NPHP4: variants seen among roughly 807,000 people sequenced by gnomAD.
NPHP4 encodes the protein nephrocystin 4.
In NPHP4, 151 loss-of-function variants were observed where a neutral mutation model predicts 155.8. That is an observed-to-expected ratio of 0.97 (90% CI 0.85 to 1.11). The LOEUF is 1.11. Ranked by LOEUF, NPHP4 falls within the 50% of genes least tolerant of loss-of-function variation. The pLI, the probability that NPHP4 is intolerant of heterozygous loss-of-function variation, is 0.00. For synonymous variants in NPHP4, 845 were observed against 816.8 expected, an observed-to-expected ratio of 1.03 and a Z score of -0.59; for missense variants, 1,956 against 1,925.7, an observed-to-expected ratio of 1.02 and a Z score of -0.29.
intron 2 of NPHP4, among the ~76,000 whole-genome samples, chr1:5,980,331 C>A (rs1654460245): frequency 6.6e-6 from 1 of 152,172 alleles, no homozygotes; most frequent in Admixed American, 6.5e-5. Context: ...TAAATGGAAA[C>A]CAGTCCCAGG....
chr1:5,894,449 CAAA>C (rs34608472), intron 16 of NPHP4, among the ~76,000 whole-genome samples: 5 of 103,100 alleles, frequency 4.8e-5, no homozygotes, highest in South Asian at 3.1e-4. Flanking sequence ...GACCCAGTCT[CAAA>C]AAAAAAAAAA....
chr1:5,942,281 C>T (rs1388980828), intron 9 of NPHP4, among the ~76,000 whole-genome samples: 1 of 152,086 alleles, frequency 6.6e-6, no homozygotes, highest in Admixed American at 6.5e-5. Context: ...CCTGTAATCC[C>T]AGCACTTTGG....
chr1:5,873,556 GC>G, intron 22 of NPHP4: 1 of 589,480 alleles, frequency 1.7e-6, no homozygotes. Context: ...ACCCGGCTCT[GC>G]CTGAAGCCAA....
At chr1:5,989,892 G>A (rs982166857) in intron 1 of NPHP4, among the ~76,000 whole-genome samples, 2 of 152,180 alleles carry the variant, frequency 1.3e-5, no homozygotes, top group Non-Finnish European at 2.9e-5. Context: ...TGCTGTACTA[G>A]GAGGGCAGAC....
chr1:5,874,733 G>A lies in NPHP4; in HGVS notation c.3045-76C>T, dbSNP rs887472582. The A allele has an allele frequency of 9.9e-5, 152 of 1,534,776 alleles. No individual in the cohort carries two copies. In the East Asian group the frequency reaches 2.8e-3, roughly 29 times the overall value. On this transcript the variant is annotated intron_variant, in intron 21 of 29. Coordinates refer to ENST00000378156, the MANE Select transcript of NPHP4 (RefSeq NM_015102.5). ...ACAGGAGGCTGCGGTCCCACCCACCGAGAGCGGTGCTCAGAGGAGTGGGAG... is the reference window on the plus strand; with the variant it reads ...ACAGGAGGCTGCGGTCCCACCCACCAAGAGCGGTGCTCAGAGGAGTGGGAG...
intron 23 of NPHP4, among the ~76,000 whole-genome samples, chr1:5,869,788 G>A (rs1032857117): frequency 2.0e-5 from 3 of 152,196 alleles, no homozygotes; most frequent in Non-Finnish European, 2.9e-5. Flanking sequence ...ATATACAGAG[G>A]AAATTAGGCA....
chr1:5,989,053 C>G (rs1486505463), intron 1 of NPHP4, among the ~76,000 whole-genome samples: 1 of 152,126 alleles, frequency 6.6e-6, no homozygotes, highest in Non-Finnish European at 1.5e-5. Context: ...ATGGGGAGAG[C>G]TGCTCCCCGA....
At chr1:5,893,150 T>C (rs947471532) in intron 16 of NPHP4, among the ~76,000 whole-genome samples, 45 of 152,126 alleles carry the variant, frequency 3.0e-4, no homozygotes, top group Middle Eastern at 3.4e-3. Flanking sequence ...AAACGAACCA[T>C]GTATTAGGCC....
At chr1:5,977,413 G>A (rs530726305) in intron 3 of NPHP4, among the ~76,000 whole-genome samples, 4 of 152,100 alleles carry the variant, frequency 2.6e-5, no homozygotes, top group Admixed American at 6.5e-5. Context: ...CAGCAGCTTC[G>A]CAGAGAGGCC....
chr1:5,863,206 AGGAG>A lies in NPHP4; in HGVS notation c.*55_*58del. ...AGGCGGGGAGGACAGCCTGCAGGGC[AGGAG>A]GGGCACAGACAGGCCCCAGCTGGGT... On this transcript the variant is annotated 3_prime_UTR_variant, in exon 30 of 30. Transcript: ENST00000378156. 6.3e-7 allele frequency: 1 copy of A among 1,592,818 alleles called. No homozygotes were observed. Among genetic ancestry groups the A allele is most frequent in the Non-Finnish European group, 8.6e-7 (1 of 1,161,210 alleles).
chr1:5,967,330 G>A lies in NPHP4; in HGVS notation c.486C>T (p.Leu162=). Residue 162 remains leucine (L), a synonymous_variant, in exon 5 of 30, where the codon CTC becomes CTT. Coordinates refer to ENST00000378156, the MANE Select transcript of NPHP4 (RefSeq NM_015102.5). The part of the protein sequence containing the change: ...LRLYHGTPRA[L]LHPLLQDPAE... ...CGGGGTCCTGGAGAAGCGGGTGCAG[G>A]AGGGCTCTGGGGGTGCCATGGTACA... The A allele has an allele frequency of 1.2e-6, 2 of 1,608,148 alleles. No homozygotes were observed. Among genetic ancestry groups the A allele is most frequent in the Non-Finnish European group, 1.7e-6 (2 of 1,177,792 alleles).
At chr1:5,893,662 C>T (rs1056087077) in intron 16 of NPHP4, among the ~76,000 whole-genome samples, 5 of 152,196 alleles carry the variant, frequency 3.3e-5, no homozygotes, top group Admixed American at 6.5e-5. Flanking sequence ...TAACTGCAGG[C>T]GAGCATGACT....
chr1:5,957,822 G>C (rs1244799484), intron 6 of NPHP4, among the ~76,000 whole-genome samples: 1 of 152,226 alleles, frequency 6.6e-6, no homozygotes, highest in African/African-American at 2.4e-5. Context: ...ATTTAAGCAG[G>C]AATGAAAATG....
Position 5,864,483 on chromosome 1 carries a change from C to G in NPHP4, c.3851G>C (p.Arg1284Pro), listed in dbSNP as rs61739637. The stretch of plus-strand genomic sequence containing the variant: ...GCCAACATGCAGGTCCTGCACCCCA[C>G]GAGGCGGCAGCACGAAGACACCTTT... ...DPKGVFVLPP[R>P]GVQDLHVGVR... is the part of the protein sequence containing the mutation. The change falls in exon 28 of 30, where the codon CGT (arginine) becomes CCT (proline). Residue 1284 changes from arginine (R) to proline (P), a missense_variant. Coordinates refer to ENST00000378156, the MANE Select transcript of NPHP4 (RefSeq NM_015102.5). 1.3e-6 allele frequency: 2 copies of G among 1,595,804 alleles called. No individual in the cohort carries two copies. The highest frequency in any genetic ancestry group is 1.7e-6 in the Non-Finnish European group (2 of 1,170,268).
intron 6 of NPHP4, among the ~76,000 whole-genome samples, chr1:5,954,249 A>G (rs1648760033): frequency 6.6e-6 from 1 of 152,230 alleles, no homozygotes; most frequent in African/African-American, 2.4e-5. Context: ...TGTTCACTAA[A>G]CTATTATTCA....
chr1:5,863,403 G>A lies in NPHP4; in HGVS notation c.4143C>T (p.Val1381=), dbSNP rs766613810. The A allele has an allele frequency of 1.5e-5, 24 of 1,593,878 alleles. No homozygotes were observed. The Admixed American group carries it at 2.4e-4, about 16-fold the overall frequency. Reference sequence around the variant, plus strand: ...CGATGGTGTAGGTCTCTCCACCCCCGACCTGGAAATAAGCATCCAAATCCC... The same window carrying A: ...CGATGGTGTAGGTCTCTCCACCCCCAACCTGGAAATAAGCATCCAAATCCC... The part of the protein sequence containing the change: ...LLRFREDSFQ[V]GGGETYTIGL... The change falls in exon 30 of 30, where the codon GTC becomes GTT. Residue 1381 remains valine (V), a splice_region_variant and synonymous_variant. Coordinates refer to ENST00000378156, the MANE Select transcript of NPHP4 (RefSeq NM_015102.5).
intron 6 of NPHP4, among the ~76,000 whole-genome samples, chr1:5,953,570 T>C (rs1648611226): frequency 6.6e-6 from 1 of 152,212 alleles, no homozygotes; most frequent in Non-Finnish European, 1.5e-5. Flanking sequence ...TTGAACCATC[T>C]GCAAACACAC....
chr1:5,941,126 A>G (rs991860340), intron 9 of NPHP4, among the ~76,000 whole-genome samples: 5 of 152,146 alleles, frequency 3.3e-5, no homozygotes, highest in African/African-American at 7.2e-5. Context: ...GTAAAAGTCC[A>G]AAAACAGATG....
intron 23 of NPHP4, among the ~76,000 whole-genome samples, chr1:5,871,684 A>G (rs1197147327): frequency 6.6e-6 from 1 of 152,220 alleles, no homozygotes; most frequent in Non-Finnish European, 1.5e-5. Context: ...GAGCACGGTG[A>G]CAGCCAGCAT....
Sources: gnomAD v4.1 joint callset for allele counts (sites outside exome capture counted in the v4.1 genomes callset) on GRCh38, gnomAD v4.1.1 for gene constraint, MANE v1.5 for transcripts, NCBI Gene and HGNC (gene_info 2026-07-23, HGNC 2026-07-21) for gene names.